EEFSEC: variants seen among roughly 807,000 people sequenced by gnomAD.
EEFSEC encodes the protein eukaryotic elongation factor, selenocysteine-tRNA specific.
A neutral mutation model predicts 42.1 loss-of-function variants in EEFSEC; 43 were observed. That is an observed-to-expected ratio of 1.02 (90% CI 0.80 to 1.32). EEFSEC has a LOEUF of 1.32. EEFSEC is among the 40% of genes most tolerant of loss of function. The probability of loss-of-function intolerance (pLI) is 0.00; values close to 1 mark genes in which losing one functional copy is unlikely to be tolerated. For synonymous variants in EEFSEC, 354 were observed against 339.1 expected, an observed-to-expected ratio of 1.04 and a Z score of -0.48; for missense variants, 745 against 803.6, an observed-to-expected ratio of 0.93 and a Z score of 0.88.
intron 5 of EEFSEC, among the ~76,000 whole-genome samples, chr3:128,350,374 G>A (rs978944332): frequency 6.6e-6 from 1 of 152,228 alleles, no homozygotes; most frequent in Non-Finnish European, 1.5e-5. Flanking sequence ...GCCATGCTGT[G>A]GTCTAGCTGG....
At chr3:128,296,266 G>A (rs954352530) in intron 4 of EEFSEC, among the ~76,000 whole-genome samples, 2 of 152,112 alleles carry the variant, frequency 1.3e-5, no homozygotes, top group African/African-American at 4.8e-5. Flanking sequence ...AGCAGGATGG[G>A]GCTTCCTGTC....
intron 4 of EEFSEC, among the ~76,000 whole-genome samples, chr3:128,310,597 A>G (rs1193652954): frequency 1.3e-5 from 2 of 152,178 alleles, no homozygotes; most frequent in Non-Finnish European, 2.9e-5. Context: ...TTTTCCTCAT[A>G]ATCACTGTAC....
chr3:128,201,385 A>G (rs75362033), intron 1 of EEFSEC, among the ~76,000 whole-genome samples: 7 of 144,964 alleles, frequency 4.8e-5, no homozygotes, highest in African/African-American at 1.8e-4. Context: ...TGTGCTTAAG[A>G]AAAAAAAAAA....
intron 2 of EEFSEC, among the ~76,000 whole-genome samples, chr3:128,257,978 G>A (rs2066259435): frequency 6.6e-6 from 1 of 152,052 alleles, no homozygotes; most frequent in African/African-American, 2.4e-5. Flanking sequence ...GGAATGTGGT[G>A]GTTTTCCATT....
At chr3:128,309,058 A>G (rs1221876207) in intron 4 of EEFSEC, among the ~76,000 whole-genome samples, 2 of 152,248 alleles carry the variant, frequency 1.3e-5, no homozygotes, top group Non-Finnish European at 2.9e-5. Context: ...GCATGATCTC[A>G]TTCGGAAAGA....
chr3:128,198,051 A>T (rs2065604436), intron 1 of EEFSEC, among the ~76,000 whole-genome samples: 1 of 151,936 alleles, frequency 6.6e-6, no homozygotes, highest in Non-Finnish European at 1.5e-5. Flanking sequence ...GAGCTCAGGG[A>T]TACGTGGGTC....
At chr3:128,405,834 C>T (rs1376650371) in intron 6 of EEFSEC, among the ~76,000 whole-genome samples, 1 of 152,250 alleles carries the variant, frequency 6.6e-6, no homozygotes, top group East Asian at 1.9e-4. Context: ...CTGCTCTGGT[C>T]CTCTAGGTTC....
At chr3:128,255,178 C>T (rs1342539345) in intron 2 of EEFSEC, among the ~76,000 whole-genome samples, 2 of 151,906 alleles carry the variant, frequency 1.3e-5, no homozygotes, top group Non-Finnish European at 2.9e-5. Flanking sequence ...CCCTCATGGT[C>T]AGTATGCAGG....
At chr3:128,162,585 C>T (rs559240689) in intron 1 of EEFSEC, among the ~76,000 whole-genome samples, 39 of 152,244 alleles carry the variant, frequency 2.6e-4, no homozygotes, top group African/African-American at 8.7e-4. Context: ...GTGGGAGTAG[C>T]GCAACATCAG....
chr3:128,207,158 G>C (rs778369358), intron 1 of EEFSEC, among the ~76,000 whole-genome samples: 1 of 151,976 alleles, frequency 6.6e-6, no homozygotes, highest in Non-Finnish European at 1.5e-5. Context: ...AGTATTTAAA[G>C]ATGGCCAGCC....
At chr3:128,193,262 A>G (rs991429089) in intron 1 of EEFSEC, among the ~76,000 whole-genome samples, 5 of 152,196 alleles carry the variant, frequency 3.3e-5, no homozygotes, top group Non-Finnish European at 7.4e-5. Flanking sequence ...GTCCTATTGT[A>G]TAGCCACATA....
chr3:128,406,875 TAC>T (rs2068120967), intron 6 of EEFSEC, among the ~76,000 whole-genome samples: 1 of 151,140 alleles, frequency 6.6e-6, no homozygotes. Flanking sequence ...TATATATACA[TAC>T]ATATATATAT....
intron 1 of EEFSEC, among the ~76,000 whole-genome samples, chr3:128,186,871 A>G (rs2065471238): frequency 6.6e-6 from 1 of 152,040 alleles, no homozygotes; most frequent in African/African-American, 2.4e-5. Context: ...GTAGATTGCT[A>G]CTGAGCCATG....
chr3:128,325,159 A>G (rs2067050719), intron 4 of EEFSEC, among the ~76,000 whole-genome samples: 2 of 152,326 alleles, frequency 1.3e-5, no homozygotes, highest in African/African-American at 2.4e-5. Context: ...TCCCCGTGCC[A>G]TACAGTCTGT....
chr3:128,413,611 C>T (rs369243134), downstream of EEFSEC, among the ~76,000 whole-genome samples: 19 of 152,194 alleles, frequency 1.2e-4, no homozygotes, highest in African/African-American at 2.7e-4. Context: ...GTGCTCCCCC[C>T]ACGTTATCAC....
chr3:128,370,267 T>C (rs1214063841), intron 6 of EEFSEC, among the ~76,000 whole-genome samples: 1 of 152,140 alleles, frequency 6.6e-6, no homozygotes, highest in African/African-American at 2.4e-5. Flanking sequence ...TCATAGGCAA[T>C]GCTAGGTTTG....
rs2067255710 is a variant in EEFSEC, at chr3:128,341,680, G to T, written c.1234G>T (p.Ala412Ser). Residue 412 changes from alanine to serine, a missense_variant, in exon 5 of 7, where the codon GCC (alanine) becomes TCC (serine). Physicochemically the swap from Ala to Ser is moderately conservative, Grantham distance 99. Transcript: ENST00000254730. The stretch of plus-strand genomic sequence containing the variant: ...GGGCCATTGTCCTCGGCAGCAGTGG[G>T]CCCTGGTGGAGTTTGAGAAGCCCGT... ...TEGHCPRQQW[A>S]LVEFEKPVTC... 3 of 1,614,126 alleles carry T rather than the reference G, an allele frequency of 1.9e-6. No individual in the cohort carries two copies. The highest frequency in any genetic ancestry group is 2.5e-6 in the Non-Finnish European group (3 of 1,180,048).
intron 2 of EEFSEC, among the ~76,000 whole-genome samples, chr3:128,249,120 A>C (rs2066157631): frequency 6.6e-6 from 1 of 152,260 alleles, no homozygotes; most frequent in South Asian, 2.1e-4. Flanking sequence ...TAAACCCTTC[A>C]TAAATGCCAG....
At chr3:128,264,557 C>G (rs1455237975) in intron 3 of EEFSEC, 60 bp from the exon 4 acceptor site, 22 of 1,569,946 alleles carry the variant, frequency 1.4e-5, no homozygotes, top group Non-Finnish European at 1.9e-5. Flanking sequence ...CTGCCTTCCT[C>G]TGCCCTGCCC....
Sources: gnomAD v4.1 joint callset for allele counts (sites outside exome capture counted in the v4.1 genomes callset) on GRCh38, gnomAD v4.1.1 for gene constraint, MANE v1.5 for transcripts, NCBI Gene and HGNC (gene_info 2026-07-23, HGNC 2026-07-21) for gene names.